The following CADPS2 variants were observed in gnomAD, a reference collection of about 807,000 sequenced individuals.
The protein encoded by CADPS2 is calcium dependent secretion activator 2, also known as calcium-dependent secretion activator 2.
Under a neutral mutation model 172.5 loss-of-function variants are expected in CADPS2, and 93 were observed. That is an observed-to-expected ratio of 0.54 (90% CI 0.46 to 0.64). CADPS2 has a LOEUF of 0.64. Among genes scored for constraint, CADPS2 ranks in the 30% least tolerant of loss-of-function variants. The probability of loss-of-function intolerance (pLI) is 0.00; values close to 1 mark genes in which losing one functional copy is unlikely to be tolerated. For synonymous variants in CADPS2, 546 were observed against 555.2 expected (o/e 0.98, Z 0.23); for missense variants, 1,420 against 1,565.9 (o/e 0.91, Z 1.57).
chr7:122,348,558 T>C (rs997362900), intron 27 of CADPS2, among the ~76,000 whole-genome samples: 1 of 152,180 alleles, frequency 6.6e-6, no homozygotes, highest in Non-Finnish European at 1.5e-5. Context: ...TTTTGGCAAA[T>C]TAAGATCCAC....
intron 3 of CADPS2, among the ~76,000 whole-genome samples, chr7:122,645,418 T>TAC (rs1491345731): frequency 6.8e-5 from 7 of 103,192 alleles, no homozygotes; most frequent in East Asian, 2.3e-4. Context: ...TACACACATG[T>TAC]ATATGTGTGT....
At chr7:122,725,126 T>A (rs1219583136) in intron 2 of CADPS2, among the ~76,000 whole-genome samples, 1 of 152,000 alleles carries the variant, frequency 6.6e-6, no homozygotes, top group East Asian at 1.9e-4. Context: ...ATATATGTGT[T>A]TCTTTTGGTG....
chr7:122,705,502 ATATATTATC>A lies in CADPS2; in HGVS notation c.453+31444_453+31452del, dbSNP rs1417575488. 2.4e-4 allele frequency among the ~76,000 whole-genome samples: 30 copies of A among 122,528 alleles called. 2 individuals carry two copies. Among genetic ancestry groups the A allele is most frequent in the Non-Finnish European group, 3.8e-4 (23 of 61,318 alleles). 80.4% of individuals were successfully genotyped at this position (122,528 alleles called of 152,430 possible). On this transcript the variant is annotated intron_variant, in intron 2 of 29. Transcript: ENST00000449022. ...ATTTATATTATATATTATCTATATT[ATATATTATC>A]TATATTTATATTGTGTATTATCTAT...
In CADPS2 at chr7:122,557,331, A is replaced by G. The variant is rs527509729; in HGVS notation, c.1336-2642T>C. On this transcript the variant is annotated intron_variant, in intron 7 of 29. Transcript: ENST00000449022. ...TAAAGGACAAGGGAGTTCTTTTCAG[A>G]ACACACAATACAGCTCTAATCAAGA... 6.6e-5 allele frequency among the ~76,000 whole-genome samples: 10 copies of G among 152,286 alleles called. No individual in the cohort carries two copies. In the South Asian group the frequency reaches 1.9e-3, roughly 28 times the overall value.
chr7:122,780,240 T>C (rs191703735), intron 1 of CADPS2, among the ~76,000 whole-genome samples: 157 of 152,194 alleles, frequency 1.0e-3, no homozygotes, highest in African/African-American at 3.4e-3. Context: ...CTTGATTCCA[T>C]TGAAGGTCCT....
chr7:122,442,434 G>A (rs2051476726), intron 15 of CADPS2, among the ~76,000 whole-genome samples: 2 of 152,158 alleles, frequency 1.3e-5, no homozygotes, highest in Admixed American at 1.3e-4. Context: ...CAGCTGGGCT[G>A]TACTTAGGAT....
intron 9 of CADPS2, among the ~76,000 whole-genome samples, chr7:122,496,951 C>T (rs2058782236): frequency 6.6e-6 from 1 of 152,012 alleles, no homozygotes; most frequent in South Asian, 2.1e-4. Context: ...ATTCTTCATG[C>T]AATTCTCTTA....
At chr7:122,377,316 T>C (rs1227282645) in intron 25 of CADPS2, among the ~76,000 whole-genome samples, 2 of 152,094 alleles carry the variant, frequency 1.3e-5, no homozygotes, top group African/African-American at 4.8e-5. Flanking sequence ...ATGTATTTGA[T>C]ATAGAAAAAT....
intron 29 of CADPS2, 45 bp from the exon 30 acceptor site, chr7:122,320,383 G>A: frequency 1.3e-6 from 2 of 1,496,636 alleles, no homozygotes; most frequent in Non-Finnish European, 1.8e-6. Context: ...TAGATTATAT[G>A]CGTGTACATA....
At chr7:122,541,387 G>C (rs2062925087) in intron 8 of CADPS2, among the ~76,000 whole-genome samples, 1 of 125,996 alleles carries the variant, frequency 7.9e-6, no homozygotes, top group East Asian at 2.2e-4. Context: ...TGTATTTTTA[G>C]CAGAGATGGG....
chr7:122,699,842 T>C (rs1253349484), intron 2 of CADPS2, among the ~76,000 whole-genome samples: 2 of 152,172 alleles, frequency 1.3e-5, no homozygotes, highest in African/African-American at 2.4e-5. Flanking sequence ...AGATTAAATA[T>C]AGTCATATTA....
intron 3 of CADPS2, among the ~76,000 whole-genome samples, chr7:122,645,592 T>TTATATA (rs74221978): frequency 1.6e-5 from 2 of 123,654 alleles, no homozygotes; most frequent in African/African-American, 2.9e-5. Context: ...GCTATAGAGA[T>TTATATA]TATATATATA....
intron 2 of CADPS2, among the ~76,000 whole-genome samples, chr7:122,726,787 A>C (rs113911501): frequency 6.6e-6 from 1 of 151,334 alleles, no homozygotes. Flanking sequence ...AAAAAAAAAA[A>C]AACTATCCAC....
intron 1 of CADPS2, among the ~76,000 whole-genome samples, chr7:122,875,428 AAATT>A (rs1412362069): frequency 6.6e-6 from 1 of 152,238 alleles, no homozygotes; most frequent in Non-Finnish European, 1.5e-5. Context: ...AATGCAAAAT[AAATT>A]AATACAACTA....
chr7:122,485,818 T>C (rs2057751920), intron 11 of CADPS2, among the ~76,000 whole-genome samples: 1 of 152,188 alleles, frequency 6.6e-6, no homozygotes, highest in East Asian at 1.9e-4. Context: ...GTACAGGCTC[T>C]CTTGTTAGTG....
intron 9 of CADPS2, among the ~76,000 whole-genome samples, chr7:122,506,467 C>T (rs879465215): frequency 1.3e-5 from 2 of 152,152 alleles, no homozygotes; most frequent in Non-Finnish European, 2.9e-5. Context: ...AAGGTATCTG[C>T]ATCTGGTATA....
intron 8 of CADPS2, among the ~76,000 whole-genome samples, chr7:122,549,253 A>T: frequency 6.6e-6 from 1 of 152,056 alleles, no homozygotes; most frequent in Admixed American, 6.6e-5. Flanking sequence ...AATACAAAAA[A>T]ATTGGGGATT....
chr7:122,455,996 C>A (rs1232006025), intron 14 of CADPS2, among the ~76,000 whole-genome samples: 1 of 152,114 alleles, frequency 6.6e-6, no homozygotes. Context: ...AGCCACCATG[C>A]CCAGCTTGGA....
chr7:122,630,192 A>G (rs2076441825), intron 3 of CADPS2, among the ~76,000 whole-genome samples: 2 of 152,120 alleles, frequency 1.3e-5, no homozygotes, highest in African/African-American at 2.4e-5. Flanking sequence ...AGGACCATCT[A>G]AAGATTCGAT....
Sources: allele counts gnomAD v4.1 joint callset (sites outside exome capture counted in the v4.1 genomes callset), GRCh38; gene constraint gnomAD v4.1.1; transcripts MANE v1.5; gene names NCBI Gene and HGNC (gene_info 2026-07-23, HGNC 2026-07-21).